Variants in BRCA1 observed in about 807,000 individuals in gnomAD.
The protein encoded by BRCA1 is BRCA1 DNA repair associated.
BRCA1 carries 140 observed loss-of-function variants against 173.7 expected under a neutral mutation model. The ratio of observed to expected loss-of-function variants is 0.81; its 90% CI spans 0.70 to 0.93. The LOEUF is 0.93. Ranked by LOEUF, BRCA1 falls within the 40% of genes least tolerant of loss-of-function variation. BRCA1 has a pLI of 0.00. For synonymous variants in BRCA1, 662 were observed against 756.0 expected (o/e 0.88, Z 2.04); for missense variants, 1,983 against 2,172.5 (o/e 0.91, Z 1.73).
intron 4 of BRCA1, among the ~76,000 whole-genome samples, chr17:43,105,427 G>A (rs2054719573): frequency 6.6e-6 from 1 of 152,002 alleles, no homozygotes; most frequent in South Asian, 2.1e-4. Flanking sequence ...TGTTGGTAGT[G>A]ATGGGGTCTC....
At chr17:43,062,386 C>G (rs990071406) in intron 18 of BRCA1, among the ~76,000 whole-genome samples, 3 of 152,128 alleles carry the variant, frequency 2.0e-5, no homozygotes, top group Admixed American at 1.3e-4. Context: ...TGAGCCACTG[C>G]ATCTGGACTG....
At chr17:43,049,962 T>C (rs2051138056) in intron 20 of BRCA1, 3 of 397,952 alleles carry the variant, frequency 7.5e-6, no homozygotes, top group African/African-American at 2.1e-5. Flanking sequence ...TGGTTTCCAC[T>C]ATACCAAAGT....
At chr17:43,060,529 T>A (rs575867878) in intron 18 of BRCA1, among the ~76,000 whole-genome samples, 1 of 151,980 alleles carries the variant, frequency 6.6e-6, no homozygotes, top group African/African-American at 2.4e-5. Context: ...TCTTGCTCTG[T>A]CGTTCAGGCT....
chr17:43,091,686 T>A lies in BRCA1; in HGVS notation c.3845A>T (p.Glu1282Val), dbSNP rs80357217. 20 of 1,614,254 alleles carry A rather than the reference T, an allele frequency of 1.2e-5. No homozygotes were observed. Among genetic ancestry groups the A allele is most frequent in the Non-Finnish European group, 1.4e-5 (17 of 1,180,034 alleles). ...NQVILAKASQ[E>V]HHLSEETKCS... ...TTTTGTTTCCTCACTAAGGTGATGT[T>A]CCTGAGATGCCTTTGCCAATATTAC... is the stretch of plus-strand genomic sequence containing the variant. Residue 1282 changes from glutamate (E) to valine (V), a missense_variant, in exon 10 of 23, where the codon GAA becomes GTA. By Grantham distance (121) the Glu-to-Val change is moderately radical. Coordinates refer to ENST00000357654, the MANE Select transcript of BRCA1 (RefSeq NM_007294.4).
chr17:43,077,165 C>T (rs576499265), intron 12 of BRCA1, among the ~76,000 whole-genome samples: 19 of 151,140 alleles, frequency 1.3e-4, no homozygotes, highest in Middle Eastern at 3.4e-3. Flanking sequence ...TTTCAATTAC[C>T]GAAAAAAAAG....
At chr17:43,050,848 C>T (rs2051179522) in intron 20 of BRCA1, among the ~76,000 whole-genome samples, 3 of 152,176 alleles carry the variant, frequency 2.0e-5, no homozygotes, top group South Asian at 4.1e-4. Context: ...TATTAACCAC[C>T]TTCATGCTCT....
In BRCA1 at chr17:43,091,874, C is replaced by G. The variant is rs80356876; in HGVS notation, c.3657G>C (p.Glu1219Asp). Residue 1219 changes from glutamate (E) to aspartate (D), a missense_variant, in exon 10 of 23, where the codon GAG becomes GAC. By Grantham distance (45) the Glu-to-Asp change is conservative. Coordinates refer to ENST00000357654, the MANE Select transcript of BRCA1 (RefSeq NM_007294.4). Reference sequence around the variant, plus strand: ...GTTGGAAGCAGGGAAGCTCTTCATCCTCACTAGATAAGTTCTCTTCTGAGG... The same window carrying G: ...GTTGGAAGCAGGGAAGCTCTTCATCGTCACTAGATAAGTTCTCTTCTGAGG... Reference protein sequence around the residue: ...LESSEENLSSEDEELPCFQHL... With the variant: ...LESSEENLSSDDEELPCFQHL... 3.1e-5 allele frequency: 50 copies of G among 1,614,024 alleles called. No individual in the cohort carries two copies. The highest frequency in any genetic ancestry group is 4.1e-5 in the Non-Finnish European group (48 of 1,180,042).
intron 11 of BRCA1, among the ~76,000 whole-genome samples, chr17:43,090,049 GA>G (rs747918612): frequency 2.9e-4 from 36 of 125,088 alleles, no homozygotes; most frequent in Admixed American, 8.1e-4. Flanking sequence ...TTTTAAAAGG[GA>G]AAAAAAAAAA....
intron 7 of BRCA1, among the ~76,000 whole-genome samples, chr17:43,099,561 A>G (rs1461323673): frequency 6.6e-6 from 1 of 152,074 alleles, no homozygotes; most frequent in East Asian, 1.9e-4. Context: ...GTGAGCCACC[A>G]TGCCTGGCCT....
intron 11 of BRCA1, among the ~76,000 whole-genome samples, chr17:43,087,321 G>T (rs1301148401): frequency 6.6e-6 from 1 of 152,096 alleles, no homozygotes; most frequent in Non-Finnish European, 1.5e-5. Flanking sequence ...TGATACACTG[G>T]AAAGATAGAA....
At chr17:43,168,364 G>A (rs1317004361) in intron 1 of BRCA1, 12 of 313,078 alleles carry the variant, frequency 3.8e-5, no homozygotes, top group African/African-American at 1.1e-4. Flanking sequence ...TGGGCTGGGC[G>A]TGGTGGCTCA....
At chr17:43,075,220 T>C (rs1484796635) in intron 13 of BRCA1, among the ~76,000 whole-genome samples, 3 of 152,172 alleles carry the variant, frequency 2.0e-5, no homozygotes, top group African/African-American at 7.2e-5. Context: ...CTTATGAAGA[T>C]AGAAAGTTGA....
At chr17:43,113,251 C>T (rs1405451635) in intron 3 of BRCA1, among the ~76,000 whole-genome samples, 1 of 152,186 alleles carries the variant, frequency 6.6e-6, no homozygotes, top group Non-Finnish European at 1.5e-5. Flanking sequence ...CCTTCTGCCT[C>T]CTCTTGGACC....
At chr17:43,066,462 G>A (rs1041440702) in intron 16 of BRCA1, among the ~76,000 whole-genome samples, 3 of 152,082 alleles carry the variant, frequency 2.0e-5, no homozygotes, top group Admixed American at 1.3e-4. Context: ...CCAGGCTGGA[G>A]TGCAGTGGCA....
chr17:43,135,116 A>G (rs1438537397), intron 1 of BRCA1, among the ~76,000 whole-genome samples: 2 of 152,248 alleles, frequency 1.3e-5, no homozygotes, highest in Non-Finnish European at 1.5e-5. Flanking sequence ...TGAAGCACAA[A>G]GGAGAGCCTG....
At chr17:43,049,252 C>T in intron 20 of BRCA1, 58 bp from the exon 21 acceptor site, 1 of 1,489,218 alleles carries the variant, frequency 6.7e-7, no homozygotes, top group Non-Finnish European at 9.4e-7. Flanking sequence ...TAACCCAGGC[C>T]CTCTACCCTA....
In BRCA1 at chr17:43,044,317, T is replaced by G. The variant is rs1221600654; in HGVS notation, c.*1361A>C. 6.3e-6 allele frequency: 3 copies of G among 479,900 alleles called. No homozygotes were observed. The Admixed American group carries it at 7.2e-5, about 11-fold the overall frequency. The allele number at this position is 479,900 out of a possible 1,614,324, so 29.7% of individuals were successfully genotyped here. A position where few individuals can be genotyped will look rare whatever the true frequency, so the allele number is the denominator to read the frequency against. ...TGGTGGAAGTGTTTGCTACCAAGTTTATTTGCAGTGTTAACAGCACAACAT... is the reference window on the plus strand; with the variant it reads ...TGGTGGAAGTGTTTGCTACCAAGTTGATTTGCAGTGTTAACAGCACAACAT... On this transcript the variant is annotated 3_prime_UTR_variant, in exon 23 of 23. Coordinates refer to ENST00000357654, the MANE Select transcript of BRCA1 (RefSeq NM_007294.4).
At chr17:43,058,480 G>C (rs2051610522) in intron 18 of BRCA1, among the ~76,000 whole-genome samples, 1 of 152,188 alleles carries the variant, frequency 6.6e-6, no homozygotes, top group South Asian at 2.1e-4. Flanking sequence ...CTTTTTGGTA[G>C]ACCAGGTGAA....
intron 1 of BRCA1, among the ~76,000 whole-genome samples, chr17:43,135,381 G>A (rs936770418): frequency 1.3e-5 from 2 of 152,254 alleles, no homozygotes; most frequent in African/African-American, 4.8e-5. Flanking sequence ...AGGACGCGTT[G>A]CTGTGGCGGT....
Sources: allele counts gnomAD v4.1 joint callset (sites outside exome capture counted in the v4.1 genomes callset), GRCh38; gene constraint gnomAD v4.1.1; transcripts MANE v1.5; gene names NCBI Gene and HGNC (gene_info 2026-07-23, HGNC 2026-07-21).